Variants in ESYT2 observed in about 807,000 individuals in gnomAD.
The protein encoded by ESYT2 is extended synaptotagmin 2, also known as extended synaptotagmin-2.
ESYT2 carries 54 observed loss-of-function variants against 107.2 expected under a neutral mutation model. The observed-to-expected ratio is 0.50, with a 90% confidence interval of 0.40 to 0.63. The LOEUF is 0.63. Ranked by LOEUF, ESYT2 falls within the 30% of genes least tolerant of loss-of-function variation. ESYT2 has a pLI of 0.00. For missense variants in ESYT2, 1,020 were observed against 1,094.5 expected (o/e 0.93, Z 0.96); for synonymous variants, 491 against 434.1 (o/e 1.13, Z -1.63).
At chr7:158,736,678 T>C (rs917791329) in intron 20 of ESYT2, among the ~76,000 whole-genome samples, 4 of 152,378 alleles carry the variant, frequency 2.6e-5, no homozygotes, top group African/African-American at 9.6e-5. Flanking sequence ...TGGGGCTTAC[T>C]GTTATTTAAA....
chr7:158,756,078 T>G (rs566053605), intron 13 of ESYT2, among the ~76,000 whole-genome samples: 22 of 152,076 alleles, frequency 1.4e-4, no homozygotes, highest in African/African-American at 4.8e-4. Flanking sequence ...CCCCCTACGC[T>G]CCCCCTACTT....
chr7:158,761,482 C>G lies in ESYT2; in HGVS notation c.1233+14G>C. 1 of 1,613,836 alleles carries G rather than the reference C, an allele frequency of 6.2e-7. No homozygotes were observed. The highest frequency in any genetic ancestry group is 8.5e-7 in the Non-Finnish European group (1 of 1,179,786). ...CAACAATTGTAAACAGACCCACACTCCAGGGAAACTTACTTCATCTAAAAG... is the reference window on the plus strand; with the variant it reads ...CAACAATTGTAAACAGACCCACACTGCAGGGAAACTTACTTCATCTAAAAG... On this transcript the variant is annotated intron_variant, in intron 11 of 22. Coordinates refer to ENST00000275418, the MANE Select transcript of ESYT2 (RefSeq NM_001367773.1).
Position 158,734,972 on chromosome 7 carries a change from A to G in ESYT2, c.2506-501T>C, listed in dbSNP as rs184766960. ...GTAAGCTACATCGCTGAATACATCTAAGAAATCCTTCATGCAACCAGCAGT... is the reference window on the plus strand; with the variant it reads ...GTAAGCTACATCGCTGAATACATCTGAGAAATCCTTCATGCAACCAGCAGT... On this transcript the variant is annotated intron_variant, in intron 21 of 22. Transcript: ENST00000275418. Among the ~76,000 whole-genome samples the G allele has an allele frequency of 6.6e-5, 10 of 152,320 alleles. No individual in the cohort carries two copies. The East Asian group carries it at 1.7e-3, about 26-fold the overall frequency.
At chr7:158,789,620 T>G (rs1160431801) in intron 4 of ESYT2, among the ~76,000 whole-genome samples, 1 of 152,202 alleles carries the variant, frequency 6.6e-6, no homozygotes, top group Non-Finnish European at 1.5e-5. Flanking sequence ...CCTTTCAAAC[T>G]GCTGGAATTA....
chr7:158,826,897 G>T (rs1333681159), intron 1 of ESYT2, among the ~76,000 whole-genome samples: 1 of 151,898 alleles, frequency 6.6e-6, no homozygotes, highest in Non-Finnish European at 1.5e-5. Context: ...GGGCGCGGTG[G>T]CTCACGCCTG....
intron 16 of ESYT2, among the ~76,000 whole-genome samples, chr7:158,746,439 G>T (rs1358913462): frequency 1.3e-5 from 2 of 151,624 alleles, no homozygotes; most frequent in Non-Finnish European, 2.9e-5. Context: ...GAGCCTAAGA[G>T]GTCAAGGCTG....
At chr7:158,778,012 T>C (rs955028229) in intron 6 of ESYT2, among the ~76,000 whole-genome samples, 2 of 152,158 alleles carry the variant, frequency 1.3e-5, no homozygotes, top group African/African-American at 4.8e-5. Flanking sequence ...CGAAGCGCAA[T>C]AAAGCAAAGC....
At chr7:158,825,153 C>T (rs1160205808) in intron 1 of ESYT2, among the ~76,000 whole-genome samples, 6 of 152,124 alleles carry the variant, frequency 3.9e-5, no homozygotes, top group Non-Finnish European at 7.4e-5. Context: ...ATTAGCCAGA[C>T]GTGGTGACGG....
chr7:158,825,682 T>C (rs1584893576), intron 1 of ESYT2, among the ~76,000 whole-genome samples: 1 of 152,238 alleles, frequency 6.6e-6, no homozygotes, highest in Non-Finnish European at 1.5e-5. Context: ...TGTCAGTGAA[T>C]ATATACAAAG....
intron 1 of ESYT2, among the ~76,000 whole-genome samples, chr7:158,817,072 G>A (rs1022007885): frequency 2.0e-5 from 3 of 152,154 alleles, no homozygotes; most frequent in African/African-American, 7.2e-5. Context: ...TGGGTACAAA[G>A]TATAAACCAA....
At chr7:158,759,027 G>A (rs957531304) in intron 13 of ESYT2, among the ~76,000 whole-genome samples, 5 of 152,266 alleles carry the variant, frequency 3.3e-5, no homozygotes, top group Middle Eastern at 3.4e-3. Flanking sequence ...AGGCCAGCTC[G>A]CTTGTGCAGC....
At position 158,739,005 on chromosome 7, in the gene ESYT2, T is replaced by C. The variant is rs1587368155; in HGVS notation, c.2267+18A>G. The C allele has an allele frequency of 4.3e-6, 7 of 1,612,946 alleles. No homozygotes were observed. Among genetic ancestry groups the C allele is most frequent in the Non-Finnish European group, 5.9e-6 (7 of 1,179,198 alleles). On this transcript the variant is annotated intron_variant, in intron 19 of 22. Transcript: ENST00000275418. Reference sequence around the variant, plus strand: ...ACTCAGCAGCACAGCAGCGGGCGCGTGGGACCCCAGCCCCCACCTGCAGGC... The same window carrying C: ...ACTCAGCAGCACAGCAGCGGGCGCGCGGGACCCCAGCCCCCACCTGCAGGC...
At chr7:158,792,765 T>G (rs957424097) in intron 4 of ESYT2, among the ~76,000 whole-genome samples, 4 of 71,394 alleles carry the variant, frequency 5.6e-5, no homozygotes, top group East Asian at 3.4e-3. Context: ...TAACGTGGGG[T>G]TTTTTTTTTT....
At chr7:158,804,351 C>CGCGACAAACCCAAACCGCCGAGAAGG (rs1839747894) in intron 1 of ESYT2, among the ~76,000 whole-genome samples, 1 of 141,768 alleles carries the variant, frequency 7.1e-6, no homozygotes, top group East Asian at 2.2e-4. Context: ...GGGTGAGGCG[C>CGCGACAAACCCAAACCGCCGAGAAGG]GTGACAAACC....
In ESYT2 at chr7:158,829,356, C is replaced by T; in HGVS notation, c.63G>A (p.Ala21=). The part of the protein sequence containing the change: ...AGAGGAGGRA[A]PENPGGVLSV... ...TCAGCACGCCCCCGGGGTTCTCAGG[C>T]GCCGCGCGGCCCCCAGCCCCGCCGG... is the stretch of plus-strand genomic sequence containing the variant. The change falls in exon 1 of 23, where the codon GCG becomes GCA. Residue 21 remains alanine (A), a synonymous_variant. Coordinates refer to ENST00000275418, the MANE Select transcript of ESYT2 (RefSeq NM_001367773.1). 3 of 1,392,242 alleles carry T rather than the reference C, an allele frequency of 2.2e-6. No individual in the cohort carries two copies. Among genetic ancestry groups the T allele is most frequent in the Non-Finnish European group, 2.8e-6 (3 of 1,077,040 alleles). The allele number at this position is 1,392,242 out of a possible 1,614,324, so 86.2% of individuals were successfully genotyped here.
In ESYT2 at chr7:158,772,021, T is replaced by C. The variant is rs144536697; in HGVS notation, c.803+1320A>G. Among the ~76,000 whole-genome samples the C allele has an allele frequency of 4.6e-3, 701 of 151,874 alleles. 5 individuals carry two copies. The highest frequency in any genetic ancestry group is 0.015 in the African/African-American group (641 of 41,426). ...CTGTAATCCCAGCTACTTGGGAGGC[T>C]GAGGCAGGGAGAATTGCTTGAACCT... is the stretch of plus-strand genomic sequence containing the variant. On this transcript the variant is annotated intron_variant, in intron 7 of 22. Coordinates refer to ENST00000275418, the MANE Select transcript of ESYT2 (RefSeq NM_001367773.1).
intron 3 of ESYT2, among the ~76,000 whole-genome samples, chr7:158,794,972 A>G (rs1449717773): frequency 6.6e-6 from 1 of 152,178 alleles, no homozygotes; most frequent in East Asian, 1.9e-4. Context: ...AGACTGCACT[A>G]AAAAACACAA....
intron 3 of ESYT2, among the ~76,000 whole-genome samples, chr7:158,795,598 A>G (rs982410649): frequency 8.5e-6 from 1 of 117,942 alleles, no homozygotes; most frequent in Non-Finnish European, 1.8e-5. Flanking sequence ...GTACAGACAG[A>G]GCATGCAGCC....
chr7:158,769,297 G>A (rs1838271579), intron 7 of ESYT2, among the ~76,000 whole-genome samples: 1 of 152,152 alleles, frequency 6.6e-6, no homozygotes, highest in Non-Finnish European at 1.5e-5. Context: ...ACAGAGATTC[G>A]GAGGGCTTCA....
Sources: gnomAD v4.1 joint callset for allele counts (sites outside exome capture counted in the v4.1 genomes callset) on GRCh38, gnomAD v4.1.1 for gene constraint, MANE v1.5 for transcripts, NCBI Gene and HGNC (gene_info 2026-07-23, HGNC 2026-07-21) for gene names.